Variants in HGF observed in about 807,000 individuals in gnomAD.
The protein encoded by HGF is hepatocyte growth factor.
Under a neutral mutation model 111.6 loss-of-function variants are expected in HGF, and 39 were observed. The observed-to-expected ratio is 0.35, with a 90% confidence interval of 0.27 to 0.46. The LOEUF is 0.46. HGF is among the 20% of genes least tolerant of loss of function. The pLI is 1.00. For missense variants in HGF, 735 were observed against 910.5 expected, an observed-to-expected ratio of 0.81 and a Z score of 2.48; for synonymous variants, 285 against 294.8, an observed-to-expected ratio of 0.97 and a Z score of 0.34.
Position 81,710,159 on chromosome 7 carries a change from C to T in HGF, c.1529G>A (p.Ser510Asn). ...TATTAATAATTACCTGTATCTCAAA[C>T]TAACCATCCATCCTATGTTTGTTCG... is the stretch of plus-strand genomic sequence containing the variant. ...PTRTNIGWMV[S>N]LRYRNKHICG... Residue 510 changes from serine to asparagine, a missense_variant, in exon 13 of 18, where the codon AGT becomes AAT. Ser to Asn is a conservative substitution (Grantham distance 46). This residue lies in a region of HGF where 553 missense variants were observed against 685.6 expected (regional missense o/e 0.81). Transcript: ENST00000222390. 1 of 1,605,110 alleles carries T rather than the reference C, an allele frequency of 6.2e-7. No homozygotes were observed.
At chr7:81,713,122 A>G (rs1398891837) in intron 11 of HGF, among the ~76,000 whole-genome samples, 1 of 152,150 alleles carries the variant, frequency 6.6e-6, no homozygotes, top group African/African-American at 2.4e-5. Context: ...AAGACTGGTT[A>G]TTTGTTCTAT....
At chr7:81,721,224 G>A (rs551534421) in intron 9 of HGF, among the ~76,000 whole-genome samples, 1 of 152,136 alleles carries the variant, frequency 6.6e-6, no homozygotes, top group Non-Finnish European at 1.5e-5. Context: ...TCCAGCCTGG[G>A]CGACAGAGCG....
Position 81,751,494 on chromosome 7 carries a change from G to T in HGF, c.625+626C>A. 3.6e-6 allele frequency: 2 copies of T among 558,576 alleles called. 1 individual carries two copies. The highest frequency in any genetic ancestry group is 2.0e-4 in the South Asian group (2 of 10,028). The allele number at this position is 558,576 out of a possible 1,614,324, so 34.6% of individuals were successfully genotyped here. On this transcript the variant is annotated intron_variant, in intron 5 of 17. Transcript: ENST00000222390. The stretch of plus-strand genomic sequence containing the variant: ...GCTGAAAACATAGACATGGACTTAA[G>T]GTCCATAGACATGCCTTCAAGACAG...
intron 9 of HGF, among the ~76,000 whole-genome samples, chr7:81,723,498 T>G (rs1789927603): frequency 6.6e-6 from 1 of 151,772 alleles, no homozygotes; most frequent in Non-Finnish European, 1.5e-5. Flanking sequence ...AAGACTGAAA[T>G]AACTGTAAAT....
chr7:81,719,268 G>A (rs993622153), intron 10 of HGF, among the ~76,000 whole-genome samples: 3 of 151,998 alleles, frequency 2.0e-5, no homozygotes, highest in South Asian at 2.1e-4. Flanking sequence ...GACCACTTAC[G>A]TCTGAGTAGG....
intron 4 of HGF, chr7:81,756,052 T>C: frequency 1.4e-6 from 1 of 701,782 alleles, no homozygotes; most frequent in Non-Finnish European, 2.6e-6. Context: ...AACAAGGCAG[T>C]CATCACCACC....
intron 11 of HGF, among the ~76,000 whole-genome samples, chr7:81,713,205 C>A (rs1368001621): frequency 6.6e-6 from 1 of 152,054 alleles, no homozygotes; most frequent in Non-Finnish European, 1.5e-5. Context: ...ACTCTTGTAT[C>A]TTACAATATA....
At chr7:81,720,019 GA>G (rs1263912696) in intron 10 of HGF, among the ~76,000 whole-genome samples, 4 of 152,122 alleles carry the variant, frequency 2.6e-5, no homozygotes, top group Admixed American at 2.0e-4. Context: ...GGATGTTTAT[GA>G]AAAAATCTGC....
chr7:81,700,410 A>G lies in HGF; in HGVS notation c.*2171T>C, dbSNP rs1453132020. Reference sequence around the variant, plus strand: ...TGGTATTGTTTTTAGCCTTTAATAAAATGAAAAATACTAGCCTCAAAATGT... The same window carrying G: ...TGGTATTGTTTTTAGCCTTTAATAAGATGAAAAATACTAGCCTCAAAATGT... On this transcript the variant is annotated 3_prime_UTR_variant, in exon 18 of 18. Coordinates refer to ENST00000222390, the MANE Select transcript of HGF (RefSeq NM_000601.6). 2 of 151,608 alleles carry G rather than the reference A, an allele frequency of 1.3e-5. No homozygotes were observed. The highest frequency in any genetic ancestry group is 3.0e-5 in the Non-Finnish European group (2 of 67,694). The allele number at this position is 151,608 out of a possible 1,614,324, so 9.4% of individuals were successfully genotyped here.
chr7:81,763,252 C>A (rs1435085185), intron 1 of HGF, among the ~76,000 whole-genome samples: 1 of 152,140 alleles, frequency 6.6e-6, no homozygotes, highest in Non-Finnish European at 1.5e-5. Flanking sequence ...TTTCCTTCTA[C>A]AATTGGTCCT....
rs371139129 is a variant in HGF, at chr7:81,707,281, A to G, written c.1616+9T>C. 1.3e-5 allele frequency: 20 copies of G among 1,527,972 alleles called. 1 individual carries two copies. Among genetic ancestry groups the G allele is most frequent in the Middle Eastern group, 3.4e-4 (2 of 5,892 alleles). The allele number at this position is 1,527,972 out of a possible 1,614,324, so 94.7% of individuals were successfully genotyped here. On this transcript the variant is annotated intron_variant, in intron 14 of 17. Coordinates refer to ENST00000222390, the MANE Select transcript of HGF (RefSeq NM_000601.6). ...GCTCAAAATAATACTAGTTTTAAAA[A>G]CACTTTACCGAGAAGGGAAACACTG...
intron 4 of HGF, among the ~76,000 whole-genome samples, chr7:81,754,648 A>T (rs1425854315): frequency 6.6e-6 from 1 of 152,076 alleles, no homozygotes; most frequent in Non-Finnish European, 1.5e-5. Flanking sequence ...CCTCTCTAGG[A>T]CATGAAGGTT....
intron 10 of HGF, among the ~76,000 whole-genome samples, chr7:81,718,758 G>A (rs545962245): frequency 1.3e-5 from 2 of 152,116 alleles, no homozygotes; most frequent in Non-Finnish European, 2.9e-5. Flanking sequence ...GATTTCTGTA[G>A]TGTAAATACT....
At chr7:81,706,880 A>G (rs1789440667) in intron 14 of HGF, among the ~76,000 whole-genome samples, 1 of 151,944 alleles carries the variant, frequency 6.6e-6, no homozygotes, top group South Asian at 2.1e-4. Flanking sequence ...TCCTTAGGCT[A>G]ATTTTCATTG....
At chr7:81,740,668 A>G (rs1787971723) in intron 7 of HGF, among the ~76,000 whole-genome samples, 1 of 152,244 alleles carries the variant, frequency 6.6e-6, no homozygotes, top group South Asian at 2.1e-4. Flanking sequence ...TCCTGTTGGC[A>G]GGAGTAAACT....
At chr7:81,766,183 A>G (rs1789348357) in intron 1 of HGF, among the ~76,000 whole-genome samples, 1 of 151,952 alleles carries the variant, frequency 6.6e-6, no homozygotes, top group Non-Finnish European at 1.5e-5. Context: ...GGCACCTCAC[A>G]CTCATTTCTC....
intron 5 of HGF, 58 bp from the exon 6 acceptor site, chr7:81,745,178 A>G (rs1305749389): frequency 3.8e-6 from 6 of 1,583,472 alleles, no homozygotes; most frequent in Non-Finnish European, 5.2e-6. Flanking sequence ...CAAAAACACC[A>G]CTGTTGCATT....
At chr7:81,747,345 T>TA (rs924249131) in intron 5 of HGF, among the ~76,000 whole-genome samples, 70 of 150,806 alleles carry the variant, frequency 4.6e-4, no homozygotes, top group African/African-American at 1.3e-3. Context: ...TCTCAAAAAA[T>TA]AAAAAAAAGA....
intron 7 of HGF, 151 bp downstream of exon 7, chr7:81,743,202 G>T (rs1788079880): frequency 2.8e-6 from 2 of 722,004 alleles, no homozygotes; most frequent in South Asian, 3.2e-5. Context: ...CAAAAGATTG[G>T]GTAGGATTAT....
Sources: allele counts gnomAD v4.1 joint callset (sites outside exome capture counted in the v4.1 genomes callset), GRCh38; gene constraint gnomAD v4.1.1; regional missense constraint gnomAD v4.1.1; transcripts MANE v1.5; gene names NCBI Gene and HGNC (gene_info 2026-07-23, HGNC 2026-07-21).